The following EXOC4 variants were observed in gnomAD, a reference collection of about 807,000 sequenced individuals.
The protein encoded by EXOC4 is exocyst complex component 4, also known as SEC8-like 1.
A neutral mutation model predicts 107.2 loss-of-function variants in EXOC4; 71 were observed. The ratio of observed to expected loss-of-function variants is 0.66; its 90% CI spans 0.55 to 0.81. The LOEUF is 0.81. Ranked by LOEUF, EXOC4 falls within the 30% of genes least tolerant of loss-of-function variation. The probability of loss-of-function intolerance (pLI) is 0.00; values close to 1 mark genes in which losing one functional copy is unlikely to be tolerated. For missense variants in EXOC4, 1,108 were observed against 1,189.6 expected (o/e 0.93, Z 1.01); for synonymous variants, 456 against 441.2 (o/e 1.03, Z -0.42).
intron 10 of EXOC4, among the ~76,000 whole-genome samples, chr7:133,788,760 T>C (rs1796643291): frequency 6.6e-6 from 1 of 152,188 alleles, no homozygotes; most frequent in Non-Finnish European, 1.5e-5. Flanking sequence ...CCCAAAGTGC[T>C]GGGATTATGG....
intron 9 of EXOC4, among the ~76,000 whole-genome samples, chr7:133,561,852 C>T (rs1006890512): frequency 1.3e-5 from 2 of 152,200 alleles, no homozygotes; most frequent in Admixed American, 6.5e-5. Context: ...GGCTAGTGCC[C>T]GCTTTGCGCC....
downstream of EXOC4, among the ~76,000 whole-genome samples, chr7:134,066,843 T>C (rs1796184207): frequency 6.6e-6 from 1 of 152,058 alleles, no homozygotes; most frequent in Non-Finnish European, 1.5e-5. Flanking sequence ...TCCCTAAGTG[T>C]GCTATTGCAG....
chr7:133,501,814 A>G (rs567544386), intron 9 of EXOC4, among the ~76,000 whole-genome samples: 1 of 152,266 alleles, frequency 6.6e-6, no homozygotes, highest in African/African-American at 2.4e-5. Context: ...AAGGAAACTC[A>G]CTTTTTTGGT....
At chr7:133,803,885 G>A (rs924907668) in intron 10 of EXOC4, among the ~76,000 whole-genome samples, 2 of 152,184 alleles carry the variant, frequency 1.3e-5, no homozygotes, top group African/African-American at 2.4e-5. Flanking sequence ...ATTTAACACA[G>A]ATGCCTCTTG....
intron 10 of EXOC4, among the ~76,000 whole-genome samples, chr7:133,714,059 G>T (rs1794950172): frequency 6.6e-6 from 1 of 152,116 alleles, no homozygotes; most frequent in Non-Finnish European, 1.5e-5. Context: ...TTGGATGTGG[G>T]CACAACCACT....
chr7:133,556,317 A>G (rs1800689955), intron 9 of EXOC4, among the ~76,000 whole-genome samples: 3 of 152,164 alleles, frequency 2.0e-5, no homozygotes, highest in African/African-American at 7.2e-5. Flanking sequence ...TCCTGTCCTG[A>G]TTCTTATCCT....
intron 3 of EXOC4, among the ~76,000 whole-genome samples, chr7:133,304,604 A>G (rs1246802257): frequency 6.6e-6 from 1 of 152,136 alleles, no homozygotes; most frequent in Admixed American, 6.5e-5. Flanking sequence ...GCTGGTTTAT[A>G]TTTGGCAGCT....
intron 13 of EXOC4, among the ~76,000 whole-genome samples, chr7:133,934,027 C>T (rs1054139408): frequency 6.6e-6 from 1 of 152,036 alleles, no homozygotes; most frequent in African/African-American, 2.4e-5. Flanking sequence ...TCATACAGTA[C>T]CTATAGTTGT....
At chr7:133,846,799 A>G (rs1350802763) in intron 11 of EXOC4, among the ~76,000 whole-genome samples, 1 of 152,222 alleles carries the variant, frequency 6.6e-6, no homozygotes, top group Admixed American at 6.5e-5. Context: ...CTCAGGCCGT[A>G]CTTTGCTGAC....
At chr7:133,467,191 A>G (rs1798750509) in intron 7 of EXOC4, among the ~76,000 whole-genome samples, 1 of 150,448 alleles carries the variant, frequency 6.6e-6, no homozygotes, top group Admixed American at 6.6e-5. Context: ...AAATCCCTCA[A>G]ATGAGCAATC....
chr7:133,831,184 C>T (rs1327451376), intron 11 of EXOC4, among the ~76,000 whole-genome samples: 2 of 152,086 alleles, frequency 1.3e-5, no homozygotes, highest in East Asian at 3.9e-4. Context: ...AGGCTGGTCT[C>T]GAACCCCTGA....
intron 7 of EXOC4, among the ~76,000 whole-genome samples, chr7:133,438,974 T>G (rs963070277): frequency 3.9e-5 from 6 of 152,170 alleles, no homozygotes; most frequent in Non-Finnish European, 8.8e-5. Flanking sequence ...TCAGGAAATT[T>G]GACTTACAGG....
At chr7:133,859,732 C>T (rs1445899102) in intron 11 of EXOC4, among the ~76,000 whole-genome samples, 1 of 151,914 alleles carries the variant, frequency 6.6e-6, no homozygotes, top group Non-Finnish European at 1.5e-5. Context: ...AACAAAAGGC[C>T]TAACATAAAA....
intron 3 of EXOC4, among the ~76,000 whole-genome samples, chr7:133,296,188 T>A (rs754492421): frequency 6.6e-6 from 1 of 152,190 alleles, no homozygotes; most frequent in Non-Finnish European, 1.5e-5. Context: ...ATAATGCCAT[T>A]GTTGATAACT....
At chr7:133,905,003 G>A (rs907556370) in intron 12 of EXOC4, among the ~76,000 whole-genome samples, 1 of 152,174 alleles carries the variant, frequency 6.6e-6, no homozygotes, top group Non-Finnish European at 1.5e-5. Context: ...TTTGCTGCCA[G>A]CAAATGACTG....
intron 12 of EXOC4, among the ~76,000 whole-genome samples, chr7:133,906,693 A>G (rs1441762975): frequency 6.6e-6 from 1 of 152,016 alleles, no homozygotes; most frequent in Non-Finnish European, 1.5e-5. Flanking sequence ...GCTGTCCACT[A>G]CCGCTGTTTG....
intron 9 of EXOC4, among the ~76,000 whole-genome samples, chr7:133,489,704 A>G (rs756975679): frequency 1.3e-5 from 2 of 152,114 alleles, no homozygotes; most frequent in Non-Finnish European, 2.9e-5. Context: ...GGTTTATTGT[A>G]TGTTTACTTG....
the EXOC4 span, among the ~76,000 whole-genome samples, chr7:134,087,839 A>G: frequency 6.6e-6 from 1 of 152,220 alleles, no homozygotes; most frequent in Non-Finnish European, 1.5e-5. Flanking sequence ...AAGACAAATC[A>G]TGGTAAGACT....
At chr7:133,550,557 A>C (rs1394456641) in intron 9 of EXOC4, among the ~76,000 whole-genome samples, 1 of 152,184 alleles carries the variant, frequency 6.6e-6, no homozygotes, top group Non-Finnish European at 1.5e-5. Flanking sequence ...TAATGGCCTT[A>C]CTGTGTTTTA....
Sources: allele counts gnomAD v4.1 joint callset (sites outside exome capture counted in the v4.1 genomes callset), GRCh38; gene constraint gnomAD v4.1.1; transcripts MANE v1.5; gene names NCBI Gene and HGNC (gene_info 2026-07-23, HGNC 2026-07-21).